Variants in PRKAG2 observed in about 807,000 individuals in gnomAD.
PRKAG2 encodes the protein 5'-AMP-activated protein kinase subunit gamma-2.
Under a neutral mutation model 69.6 loss-of-function variants are expected in PRKAG2, and 26 were observed. The observed-to-expected ratio is 0.37, with a 90% CI of 0.27 to 0.52. PRKAG2 has a LOEUF of 0.52. Among genes scored for constraint, PRKAG2 ranks in the 20% least tolerant of loss-of-function variants. The probability of loss-of-function intolerance (pLI) is 0.90; values close to 1 mark genes in which losing one functional copy is unlikely to be tolerated. For missense variants in PRKAG2, 557 were observed against 740.0 expected (o/e 0.75, Z 2.87); for synonymous variants, 293 against 285.0 (o/e 1.03, Z -0.28).
intron 5 of PRKAG2, among the ~76,000 whole-genome samples, chr7:151,601,097 AC>A: frequency 6.6e-6 from 1 of 151,992 alleles, no homozygotes; most frequent in East Asian, 1.9e-4. Flanking sequence ...CCTGGGGAGG[AC>A]CCCTGTGTCC....
At chr7:151,622,978 G>A (rs1821890613) in intron 5 of PRKAG2, among the ~76,000 whole-genome samples, 1 of 152,154 alleles carries the variant, frequency 6.6e-6, no homozygotes, top group Non-Finnish European at 1.5e-5. Flanking sequence ...GGAGGGACCA[G>A]TTTCATGGAA....
chr7:151,572,089 G>A (rs4726051), intron 9 of PRKAG2, among the ~76,000 whole-genome samples: 5,465 of 152,248 alleles, frequency 0.036, 339 homozygotes, highest in African/African-American at 0.12. Context: ...TTTAAGAAAT[G>A]GTTCTATGGC....
chr7:151,786,308 C>T (rs986446140), intron 2 of PRKAG2, among the ~76,000 whole-genome samples, 162 bp downstream of exon 2: 7 of 152,168 alleles, frequency 4.6e-5, no homozygotes, highest in African/African-American at 9.7e-5. Flanking sequence ...CTTGGCCATG[C>T]GAGGTGAGCT....
intron 3 of PRKAG2, among the ~76,000 whole-genome samples, chr7:151,706,854 C>A (rs1440386871): frequency 6.6e-6 from 1 of 152,216 alleles, no homozygotes; most frequent in Admixed American, 6.5e-5. Flanking sequence ...CATCTCAGCC[C>A]AATTGGAGCC....
rs1163082974 is a variant in PRKAG2, at chr7:151,565,742, A to G, written c.1377T>C (p.Ala459=). The change falls in exon 12 of 16, where the codon GCT becomes GCC. Residue 459 remains alanine, a synonymous_variant. Transcript: ENST00000287878. ...LNIFVERRIS[A]LPVVDESGKV... ...AACCTGACTCATCCACAACAGGCAG[A>G]GCTGATATTCGTCTTTCCACAAATA... 1 of 1,613,972 alleles carries G rather than the reference A, an allele frequency of 6.2e-7. No homozygotes were observed.
intron 1 of PRKAG2, among the ~76,000 whole-genome samples, chr7:151,794,129 C>A (rs1163524799): frequency 6.6e-6 from 1 of 152,200 alleles, no homozygotes; most frequent in Admixed American, 6.5e-5. Context: ...TCCCCGCCCC[C>A]CAAGGCCAAG....
At chr7:151,758,180 T>C (rs2075214617) in intron 3 of PRKAG2, among the ~76,000 whole-genome samples, 1 of 152,096 alleles carries the variant, frequency 6.6e-6, no homozygotes, top group African/African-American at 2.4e-5. Context: ...AATGTCCCAA[T>C]GTCCAGCAGG....
chr7:151,734,001 C>G (rs568646283), intron 3 of PRKAG2, among the ~76,000 whole-genome samples: 1 of 152,124 alleles, frequency 6.6e-6, no homozygotes, highest in South Asian at 2.1e-4. Flanking sequence ...GGCCTACATT[C>G]ACCTACAAGT....
intron 3 of PRKAG2, 110 bp from the exon 4 acceptor site, chr7:151,675,747 C>T (rs573382398): frequency 3.7e-5 from 41 of 1,103,450 alleles, no homozygotes; most frequent in African/African-American, 1.2e-4. Context: ...GTCAGAGGTC[C>T]GGCCTCCAGG....
In PRKAG2 at chr7:151,835,048, G is replaced by A. The variant is rs564812611; in HGVS notation, c.114+41459C>T. ...CCCCTCATACGCAGATGCCAGCCAT[G>A]TGGAAAAGGGCCAGCCTGCTCCAAT... On this transcript the variant is annotated intron_variant, in intron 1 of 15. Coordinates refer to ENST00000287878, the MANE Select transcript of PRKAG2 (RefSeq NM_016203.4). The surrounding 1 kb of genome is among the most constrained non-coding windows in gnomAD (Gnocchi z 4.1). Among the ~76,000 whole-genome samples the A allele has an allele frequency of 7.5e-4, 114 of 152,318 alleles. No homozygotes were observed. Among genetic ancestry groups the A allele is most frequent in the African/African-American group, 2.7e-3 (112 of 41,578 alleles).
At chr7:151,633,424 A>G (rs1211540461) in intron 4 of PRKAG2, among the ~76,000 whole-genome samples, 4 of 152,130 alleles carry the variant, frequency 2.6e-5, no homozygotes, top group Non-Finnish European at 4.4e-5. Flanking sequence ...ATAAGGCAAG[A>G]AAAGGAAAGA....
intron 4 of PRKAG2, among the ~76,000 whole-genome samples, chr7:151,660,366 A>G (rs1343624130): frequency 6.6e-6 from 1 of 152,188 alleles, no homozygotes; most frequent in Non-Finnish European, 1.5e-5. Flanking sequence ...CTGGTACTAA[A>G]GTACTGTATA....
intron 4 of PRKAG2, among the ~76,000 whole-genome samples, chr7:151,645,813 A>G (rs1289634603): frequency 6.6e-6 from 1 of 152,320 alleles, no homozygotes; most frequent in South Asian, 2.1e-4. Flanking sequence ...ATTGTCTTAA[A>G]TGTTTCCTTC....
chr7:151,847,331 G>T (rs2079455912), intron 1 of PRKAG2, among the ~76,000 whole-genome samples: 2 of 152,164 alleles, frequency 1.3e-5, no homozygotes, highest in Admixed American at 6.5e-5. Context: ...CTGGCCAAGG[G>T]TTAGCAGGCT....
chr7:151,829,809 G>A (rs1265229815), intron 1 of PRKAG2, among the ~76,000 whole-genome samples: 3 of 151,936 alleles, frequency 2.0e-5, no homozygotes, highest in East Asian at 3.9e-4. Flanking sequence ...ACCCTGCAGC[G>A]GGGGAGGGCA....
intron 3 of PRKAG2, among the ~76,000 whole-genome samples, chr7:151,734,848 C>CTTTTTTTTTTTTTTTTTTT (rs35008070): frequency 1.1e-5 from 1 of 90,082 alleles, no homozygotes; most frequent in African/African-American, 5.1e-5. Flanking sequence ...AAATCTGATT[C>CTTTTTTTTTTTTTTTTTTT]TTTTTTTTTT....
chr7:151,674,753 CTGTTT>C (rs1012074548), intron 4 of PRKAG2, among the ~76,000 whole-genome samples: 9 of 107,206 alleles, frequency 8.4e-5, no homozygotes, highest in African/African-American at 3.2e-4. Context: ...AATAACACTT[CTGTTT>C]TACTTTTTTT....
intron 3 of PRKAG2, among the ~76,000 whole-genome samples, chr7:151,688,472 G>A (rs1486453734): frequency 6.6e-6 from 1 of 152,050 alleles, no homozygotes; most frequent in Non-Finnish European, 1.5e-5. Context: ...GATGAGATGC[G>A]GTGTGGGGAG....
intron 3 of PRKAG2, among the ~76,000 whole-genome samples, chr7:151,732,785 C>T (rs1235536153): frequency 3.3e-5 from 5 of 152,154 alleles, no homozygotes; most frequent in African/African-American, 1.2e-4. Context: ...CTCCTCCTCC[C>T]GGGTTTCAGC....
Sources: allele counts gnomAD v4.1 joint callset (sites outside exome capture counted in the v4.1 genomes callset), GRCh38; gene constraint gnomAD v4.1.1; non-coding constraint Gnocchi (gnomAD v3.1); transcripts MANE v1.5; gene names NCBI Gene and HGNC (gene_info 2026-07-23, HGNC 2026-07-21).